The following WNT2 variants were observed in gnomAD, a reference collection of about 807,000 sequenced individuals.
WNT2 encodes protein Wnt-2.
A neutral mutation model predicts 36.9 loss-of-function variants in WNT2; 12 were observed. The observed-to-expected ratio is 0.33, with a 90% CI of 0.21 to 0.53. WNT2 has a LOEUF of 0.53. WNT2 is among the 20% of genes least tolerant of loss of function. The pLI is 0.95. For synonymous variants in WNT2, 163 were observed against 174.6 expected (o/e 0.93, Z 0.52); for missense variants, 379 against 473.1 (o/e 0.80, Z 1.84).
Position 117,322,903 on chromosome 7 carries a change from T to C in WNT2, c.83+4A>G. 1 of 1,613,508 alleles carries C rather than the reference T, an allele frequency of 6.2e-7. No individual in the cohort carries two copies. Among genetic ancestry groups the C allele is most frequent in the Non-Finnish European group, 8.5e-7 (1 of 1,179,862 alleles). On this transcript the variant is annotated splice_donor_region_variant and intron_variant, in intron 1 of 4. Transcript: ENST00000265441. This position sits in a 1 kb window ranked among gnomAD's most constrained non-coding sequence, Gnocchi z 5.4. ...ATCCCCCGCGCCCGTGCGCGTGGAC[T>C]TACCACCATGAAGAGTTGACCTCGG...
At chr7:117,296,981 C>T (rs993267708) in intron 4 of WNT2, among the ~76,000 whole-genome samples, 2 of 152,126 alleles carry the variant, frequency 1.3e-5, no homozygotes, top group Non-Finnish European at 2.9e-5. Flanking sequence ...AGCCCTGGGA[C>T]CATTTTCCAT....
At chr7:117,320,866 C>T (rs1005367864) in intron 1 of WNT2, 73 bp from the exon 2 acceptor site, 114 of 1,315,760 alleles carry the variant, frequency 8.7e-5, no homozygotes, top group Non-Finnish European at 1.2e-4. Context: ...TCCTGGGAGA[C>T]TAAGGAGTTC....
intron 3 of WNT2, among the ~76,000 whole-genome samples, chr7:117,309,197 T>C (rs564834326): frequency 2.8e-5 from 4 of 141,726 alleles, no homozygotes; most frequent in African/African-American, 1.0e-4. Context: ...AAAAAAAAAA[T>C]TTTTTAAGTC....
rs1794351324 is a variant in WNT2 at position 117,275,886 on chromosome 7, GA to G, written c.*2268del. ...GACAATTTATGTAGGTTCCTACGTG[GA>G]TATCCTTGTCCCCTTGCTACTTACC... On this transcript the variant is annotated 3_prime_UTR_variant, in exon 5 of 5. Transcript: ENST00000265441. Among the ~76,000 whole-genome samples, 1 of 152,162 alleles carries G rather than the reference GA, an allele frequency of 6.6e-6. No homozygotes were observed.
At chr7:117,318,506 A>T (rs1033398559) in intron 2 of WNT2, among the ~76,000 whole-genome samples, 16 of 152,228 alleles carry the variant, frequency 1.1e-4, no homozygotes, top group African/African-American at 3.6e-4. Context: ...TGAAGGAAGT[A>T]CAAGTTAGAA....
chr7:117,278,927 A>G (rs1794431050), intron 4 of WNT2, among the ~76,000 whole-genome samples: 1 of 152,180 alleles, frequency 6.6e-6, no homozygotes. Context: ...TGAAGAGGAG[A>G]CATGGGCATC....
chr7:117,306,938 T>C (rs548951749), intron 3 of WNT2, among the ~76,000 whole-genome samples: 4 of 152,356 alleles, frequency 2.6e-5, no homozygotes, highest in South Asian at 4.1e-4. Context: ...ACTGCTTCAG[T>C]GCTAAAATCT....
At chr7:117,286,770 A>AAAGACACTATCTTCACTTAT (rs1794587695) in intron 4 of WNT2, among the ~76,000 whole-genome samples, 1 of 151,722 alleles carries the variant, frequency 6.6e-6, no homozygotes, top group African/African-American at 2.4e-5. Context: ...GCTACATAGG[A>AAAGACACTATCTTCACTTAT]AAGACAATAT....
In WNT2 at chr7:117,322,816, G is replaced by A. The variant is rs907395468; in HGVS notation, c.83+91C>T. On this transcript the variant is annotated intron_variant, in intron 1 of 4. Transcript: ENST00000265441. The surrounding 1 kb of genome is among the most constrained non-coding windows in gnomAD (Gnocchi z 5.4). ...GCCAGAATCCGAGACTGCTGCGGCC[G>A]CGGGGGAACGCAGCCAGGAAGGGTC... 3 of 1,347,702 alleles carry A rather than the reference G, an allele frequency of 2.2e-6. No homozygotes were observed. The highest frequency in any genetic ancestry group is 3.2e-6 in the Non-Finnish European group (3 of 950,122). 83.5% of individuals were successfully genotyped at this position (1,347,702 alleles called of 1,614,324 possible). A position where few individuals can be genotyped will look rare whatever the true frequency, so the allele number is the denominator to read the frequency against.
At chr7:117,291,653 G>A (rs780238961) in intron 4 of WNT2, among the ~76,000 whole-genome samples, 1 of 152,216 alleles carries the variant, frequency 6.6e-6, no homozygotes, top group Non-Finnish European at 1.5e-5. Context: ...GCTGCATGGG[G>A]CGAGTAATTA....
chr7:117,277,898 T>C lies in WNT2; in HGVS notation c.*257A>G, dbSNP rs1338782805. On this transcript the variant is annotated 3_prime_UTR_variant, in exon 5 of 5. Transcript: ENST00000265441. ...ACCCTCCCGGCTGAACAGCCTGTCA[T>C]GCTATTTCCAAAGAGAACTCGCCAG... 25 of 514,088 alleles carry C rather than the reference T, an allele frequency of 4.9e-5. No homozygotes were observed. The highest frequency in any genetic ancestry group is 6.7e-5 in the Non-Finnish European group (19 of 285,294). 31.8% of individuals were successfully genotyped at this position (514,088 alleles called of 1,614,324 possible). A position where few individuals can be genotyped will look rare whatever the true frequency, so the allele number is the denominator to read the frequency against.
intron 3 of WNT2, among the ~76,000 whole-genome samples, chr7:117,299,848 T>C (rs1307273471): frequency 6.6e-6 from 1 of 152,200 alleles, no homozygotes; most frequent in Non-Finnish European, 1.5e-5. Context: ...TCAAAACTGA[T>C]ATTTTTATAC....
intron 3 of WNT2, among the ~76,000 whole-genome samples, chr7:117,310,569 C>T (rs999516764): frequency 5.5e-5 from 7 of 126,182 alleles, no homozygotes; most frequent in Admixed American, 1.9e-4. Flanking sequence ...GGTAACAAAG[C>T]GAGACCCTGT....
chr7:117,293,578 T>C (rs1291244117), intron 4 of WNT2, among the ~76,000 whole-genome samples: 3 of 152,078 alleles, frequency 2.0e-5, no homozygotes, highest in Non-Finnish European at 2.9e-5. Context: ...AAAGAGAAAA[T>C]GAAAAACAAG....
rs3840660 is a variant in WNT2 at position 117,277,191 on chromosome 7, C to CA, written c.*963_*964insT. ...TCCCCAAAATTTTCATCCTTCAAGT[C>CA]TTTCAGTTATGAGATTCCATGGGTC... On this transcript the variant is annotated 3_prime_UTR_variant, in exon 5 of 5. Coordinates refer to ENST00000265441, the MANE Select transcript of WNT2 (RefSeq NM_003391.3). 80,506 of 151,986 alleles carry CA rather than the reference C, an allele frequency of 0.53. 21,745 individuals carry two copies. Among genetic ancestry groups the CA allele is most frequent in the Middle Eastern group, 0.6 (176 of 292 alleles). 9.4% of individuals were successfully genotyped at this position (151,986 alleles called of 1,614,324 possible).
intron 4 of WNT2, among the ~76,000 whole-genome samples, chr7:117,279,005 T>C (rs1449609831): frequency 6.6e-6 from 1 of 152,200 alleles, no homozygotes; most frequent in African/African-American, 2.4e-5. Context: ...TCTCTCCTGC[T>C]GCAGTCTAGC....
intron 2 of WNT2, among the ~76,000 whole-genome samples, chr7:117,316,932 A>G (rs1297454818): frequency 6.6e-6 from 1 of 152,246 alleles, no homozygotes; most frequent in African/African-American, 2.4e-5. Flanking sequence ...AATACATGCT[A>G]ATGTGACTTA....
intron 4 of WNT2, among the ~76,000 whole-genome samples, chr7:117,287,518 C>T (rs1316772777): frequency 6.6e-6 from 1 of 152,140 alleles, no homozygotes. Flanking sequence ...TAATGCACAT[C>T]ACGCCACAGG....
rs544391988 is a variant in WNT2 at position 117,276,144 on chromosome 7, C to T, written c.*2011G>A. On this transcript the variant is annotated 3_prime_UTR_variant, in exon 5 of 5. Coordinates refer to ENST00000265441, the MANE Select transcript of WNT2 (RefSeq NM_003391.3). ...TGCCTGATATGTGCACCAATCCCTT[C>T]GCCTCTCTTGGTCTCAATTTCCCCA... 4.8e-4 allele frequency among the ~76,000 whole-genome samples: 73 copies of T among 152,336 alleles called. No homozygotes were observed. Among genetic ancestry groups the T allele is most frequent in the Non-Finnish European group, 9.0e-4 (61 of 68,038 alleles).
Sources: allele counts gnomAD v4.1 joint callset (sites outside exome capture counted in the v4.1 genomes callset), GRCh38; gene constraint gnomAD v4.1.1; non-coding constraint Gnocchi (gnomAD v3.1); transcripts MANE v1.5; gene names NCBI Gene and HGNC (gene_info 2026-07-23, HGNC 2026-07-21).